SLC8B1: variants seen among roughly 807,000 people sequenced by gnomAD.
SLC8B1 encodes mitochondrial sodium/calcium exchanger protein.
In SLC8B1, 52 loss-of-function variants were observed where a neutral mutation model predicts 63.4. The ratio of observed to expected loss-of-function variants is 0.82; its 90% CI spans 0.66 to 1.03. The LOEUF is 1.03. Among genes scored for constraint, SLC8B1 ranks in the 50% least tolerant of loss-of-function variants. The pLI is 0.00. For synonymous variants in SLC8B1, 336 were observed against 323.9 expected, an observed-to-expected ratio of 1.04 and a Z score of -0.40; for missense variants, 657 against 741.7, an observed-to-expected ratio of 0.89 and a Z score of 1.33.
intron 13 of SLC8B1, chr12:113,306,848 C>T: frequency 2.0e-6 from 1 of 499,038 alleles, no homozygotes; most frequent in East Asian, 3.0e-5. Context: ...CAGTGGCTCA[C>T]ACCTGTAATC....
chr12:113,319,611 T>C (rs1390945706), intron 7 of SLC8B1, among the ~76,000 whole-genome samples: 4 of 152,110 alleles, frequency 2.6e-5, no homozygotes, highest in Non-Finnish European at 5.9e-5. Context: ...CAGCTCCCAT[T>C]GTTGCTGGCC....
chr12:113,308,085 G>A (rs565205500), intron 12 of SLC8B1: 27 of 397,138 alleles, frequency 6.8e-5, no homozygotes, highest in Middle Eastern at 7.4e-4. Context: ...GTGGCTCACC[G>A]CCTGTAATCG....
At chr12:113,321,375 C>G (rs1956927970) in intron 2 of SLC8B1, 27 bp from the exon 3 acceptor site, 2 of 1,613,990 alleles carry the variant, frequency 1.2e-6, no homozygotes, top group Non-Finnish European at 1.7e-6. Flanking sequence ...AGGGGGACAT[C>G]AGCGGCAGAG....
chr12:113,321,560 TA>T (rs1348812711), intron 2 of SLC8B1, among the ~76,000 whole-genome samples: 1 of 152,054 alleles, frequency 6.6e-6, no homozygotes. Context: ...ATTTGTTTTT[TA>T]AAAAAACCAA....
At chr12:113,327,334 T>C (rs1297622215) in intron 2 of SLC8B1, among the ~76,000 whole-genome samples, 1 of 151,892 alleles carries the variant, frequency 6.6e-6, no homozygotes, top group Non-Finnish European at 1.5e-5. Context: ...TCTAGGTGAG[T>C]GATTTTGGGC....
At position 113,323,001 on chromosome 12, in the gene SLC8B1, T is replaced by C. The variant is rs536388124; in HGVS notation, c.157-1653A>G. Among the ~76,000 whole-genome samples, 135 of 152,156 alleles carry C rather than the reference T, an allele frequency of 8.9e-4. 4 individuals are homozygous for C. In the South Asian group the frequency reaches 0.027, roughly 30 times the overall value. On this transcript the variant is annotated intron_variant, in intron 2 of 15. Coordinates refer to ENST00000680972, the MANE Select transcript of SLC8B1 (RefSeq NM_001358345.2). ...GAAAAGAAGTGGTACAGAGAAGGGATAGCTGCCAACGAAGGCTGGGTTGAG... is the reference window on the plus strand; with the variant it reads ...GAAAAGAAGTGGTACAGAGAAGGGACAGCTGCCAACGAAGGCTGGGTTGAG...
chr12:113,330,378 T>C (rs1957041913), intron 2 of SLC8B1, among the ~76,000 whole-genome samples: 1 of 152,062 alleles, frequency 6.6e-6, no homozygotes, highest in South Asian at 2.1e-4. Flanking sequence ...TGTGAGGCGG[T>C]GGACTAGAGG....
rs538333342 is a variant in SLC8B1 at position 113,299,927 on chromosome 12, C to G, written c.1605G>C (p.Gly535=). ...AGACCAGGGAGAAGACGAGGCTGAG[C>G]CCCAGGGCGCCTGCCAGGACCCACA... ...LLVWVLAGAL[G]LSLVFSLVSV... The change falls in exon 16 of 16, where the codon GGG becomes GGC. Residue 535 remains glycine, a synonymous_variant. Coordinates refer to ENST00000680972, the MANE Select transcript of SLC8B1 (RefSeq NM_001358345.2). 35 of 1,613,944 alleles carry G rather than the reference C, an allele frequency of 2.2e-5. No homozygotes were observed. In the South Asian group the frequency reaches 3.4e-4, roughly 16 times the overall value.
At chr12:113,302,419 T>TG (rs909836753) in intron 15 of SLC8B1, 95 of 288,878 alleles carry the variant, frequency 3.3e-4, no homozygotes, top group South Asian at 1.4e-3. Flanking sequence ...CTTCCAGAAC[T>TG]GGGAGAGACT....
At chr12:113,304,259 C>A in intron 15 of SLC8B1, 62 bp downstream of exon 15, 1 of 1,512,710 alleles carries the variant, frequency 6.6e-7, no homozygotes, top group African/African-American at 1.4e-5. Context: ...GGCCTTCCTG[C>A]CCCTTCCCCA....
intron 3 of SLC8B1, 21 bp downstream of exon 3, chr12:113,321,174 GC>G (rs751449456): frequency 1.2e-6 from 2 of 1,613,950 alleles, no homozygotes; most frequent in Admixed American, 3.3e-5. Context: ...CCTCTCACCA[GC>G]CCCCCAGGGC....
At chr12:113,326,000 G>T (rs1361393659) in intron 2 of SLC8B1, among the ~76,000 whole-genome samples, 2 of 152,188 alleles carry the variant, frequency 1.3e-5, no homozygotes, top group Non-Finnish European at 2.9e-5. Context: ...GAGGCAAATG[G>T]AATGATTCCC....
chr12:113,316,019 T>C (rs1294220952), intron 10 of SLC8B1, among the ~76,000 whole-genome samples: 1 of 151,998 alleles, frequency 6.6e-6, no homozygotes, highest in African/African-American at 2.4e-5. Flanking sequence ...GGTCAGGAGA[T>C]TGAGACCATC....
chr12:113,309,997 G>A (rs1433627607), intron 12 of SLC8B1, among the ~76,000 whole-genome samples: 1 of 151,488 alleles, frequency 6.6e-6, no homozygotes, highest in Non-Finnish European at 1.5e-5. Context: ...CTTTAAATGG[G>A]TAAATTGTAT....
chr12:113,314,334 C>A (rs1226588849), intron 11 of SLC8B1, among the ~76,000 whole-genome samples: 1 of 152,264 alleles, frequency 6.6e-6, no homozygotes, highest in Non-Finnish European at 1.5e-5. Flanking sequence ...TGTTACAGCA[C>A]ACAACACCAT....
intron 15 of SLC8B1, among the ~76,000 whole-genome samples, chr12:113,300,395 A>G (rs1274160734): frequency 6.6e-6 from 1 of 152,226 alleles, no homozygotes; most frequent in Non-Finnish European, 1.5e-5. Context: ...AGGCAGGAGA[A>G]TCACTTGAAC....
intron 15 of SLC8B1, among the ~76,000 whole-genome samples, chr12:113,303,064 A>G (rs1188697970): frequency 7.2e-6 from 1 of 139,496 alleles, no homozygotes; most frequent in Non-Finnish European, 1.5e-5. Flanking sequence ...ACACACACAC[A>G]CACACGTACA....
intron 7 of SLC8B1, 95 bp from the exon 8 acceptor site, chr12:113,319,166 G>T: frequency 1.1e-6 from 1 of 935,702 alleles, no homozygotes; most frequent in Non-Finnish European, 1.7e-6. Context: ...TGTTAGCGGT[G>T]GCAATCTGTG....
chr12:113,333,521 G>A (rs1298175382), intron 1 of SLC8B1, among the ~76,000 whole-genome samples: 1 of 152,182 alleles, frequency 6.6e-6, no homozygotes, highest in African/African-American at 2.4e-5. Context: ...GACATGCCGA[G>A]CGGGGGTAGC....
Sources: gnomAD v4.1 joint callset for allele counts (sites outside exome capture counted in the v4.1 genomes callset) on GRCh38, gnomAD v4.1.1 for gene constraint, MANE v1.5 for transcripts, NCBI Gene and HGNC (gene_info 2026-07-23, HGNC 2026-07-21) for gene names.